Variants in CDHR3 observed in about 807,000 individuals in gnomAD.
CDHR3 encodes the protein cadherin-related family member 3.
A neutral mutation model predicts 86.6 loss-of-function variants in CDHR3; 79 were observed. The observed-to-expected ratio is 0.91, with a 90% CI of 0.76 to 1.10. The LOEUF (loss-of-function observed/expected upper bound fraction) is 1.10, where lower values mean the gene tolerates loss of function less well. CDHR3 is among the 50% of genes least tolerant of loss of function. The probability of loss-of-function intolerance (pLI) is 0.00; values close to 1 mark genes in which losing one functional copy is unlikely to be tolerated. For synonymous variants in CDHR3, 421 were observed against 402.4 expected (o/e 1.05, Z -0.55); for missense variants, 1,081 against 1,077.6 (o/e 1.00, Z -0.04).
intron 15 of CDHR3, among the ~76,000 whole-genome samples, chr7:106,026,103 C>A (rs531029729): frequency 5.9e-5 from 9 of 152,272 alleles, no homozygotes; most frequent in Non-Finnish European, 1.2e-4. Context: ...AGCTAGAAAA[C>A]CAGACTCAGA....
chr7:105,980,869 C>A, intron 2 of CDHR3, 99 bp from the exon 3 acceptor site: 2 of 1,124,808 alleles, frequency 1.8e-6, no homozygotes, highest in Non-Finnish European at 2.6e-6. Flanking sequence ...TTCCGGGATG[C>A]CAGATGCTTC....
Position 106,032,812 on chromosome 7 carries a change from T to C in CDHR3, c.*115T>C. ...AATGTGGGCTGAGGGGATTCAGACA[T>C]CCAGGGTCAAACATGGGATGTTTGA... On this transcript the variant is annotated 3_prime_UTR_variant, in exon 19 of 19. Transcript: ENST00000317716. The C allele has an allele frequency of 1.8e-6, 2 of 1,127,332 alleles. No homozygotes were observed. The highest frequency in any genetic ancestry group is 3.4e-5 in the South Asian group (2 of 57,996). 69.8% of individuals were successfully genotyped at this position (1,127,332 alleles called of 1,614,324 possible). A position where few individuals can be genotyped will look rare whatever the true frequency, so the allele number is the denominator to read the frequency against.
At chr7:106,027,838 A>G (rs542955344) in intron 16 of CDHR3, among the ~76,000 whole-genome samples, 1 of 152,072 alleles carries the variant, frequency 6.6e-6, no homozygotes, top group Admixed American at 6.5e-5. Flanking sequence ...TAAAAAGGGG[A>G]TGGGGGCTGG....
intron 1 of CDHR3, among the ~76,000 whole-genome samples, chr7:105,974,552 A>C (rs757638265): frequency 2.6e-5 from 4 of 152,130 alleles, no homozygotes; most frequent in Non-Finnish European, 4.4e-5. Flanking sequence ...GCTCTTCCCA[A>C]AGGCTGGGAG....
intron 6 of CDHR3, 24 bp downstream of exon 6, chr7:105,996,378 TC>T (rs754369922): frequency 7.0e-7 from 1 of 1,437,210 alleles, no homozygotes; most frequent in South Asian, 1.2e-5. Flanking sequence ...CATGCAGGAC[TC>T]CCTGGGCCGC....
chr7:105,975,219 G>A (rs764234389), intron 2 of CDHR3, among the ~76,000 whole-genome samples, 173 bp downstream of exon 2: 73 of 152,276 alleles, frequency 4.8e-4, no homozygotes, highest in Non-Finnish European at 3.1e-4. Flanking sequence ...TAAGATGCTC[G>A]TGTAGCCTTT....
Position 106,034,863 on chromosome 7 carries a change from A to G in CDHR3, c.*2166A>G, listed in dbSNP as rs1271928969. Among the ~76,000 whole-genome samples, 2 of 152,202 alleles carry G rather than the reference A, an allele frequency of 1.3e-5. No homozygotes were observed. Among genetic ancestry groups the G allele is most frequent in the Non-Finnish European group, 2.9e-5 (2 of 68,036 alleles). Reference sequence around the variant, plus strand: ...GAGGCTGAGGCAGGTGGATCACCTGAGGTCAGGAGTTTGAGACCAGCCTGG... The same window carrying G: ...GAGGCTGAGGCAGGTGGATCACCTGGGGTCAGGAGTTTGAGACCAGCCTGG... On this transcript the variant is annotated 3_prime_UTR_variant, in exon 19 of 19. Transcript: ENST00000317716.
At chr7:106,003,989 C>CAAAAAAAAAAAAAAAAAAAAAAAA (rs55815648) in intron 7 of CDHR3, among the ~76,000 whole-genome samples, 1 of 79,950 alleles carries the variant, frequency 1.3e-5, no homozygotes. Flanking sequence ...CCAACCTAAC[C>CAAAAAAAAAAAAAAAAAAAAAAAA]AAAAAAAAAA....
intron 8 of CDHR3, among the ~76,000 whole-genome samples, chr7:106,009,073 CCAAA>C (rs1834368354): frequency 6.6e-6 from 1 of 152,184 alleles, no homozygotes; most frequent in Admixed American, 6.5e-5. Context: ...CCAGGCAAGA[CCAAA>C]CAGAGTCCTG....
chr7:106,005,232 G>GA (rs1195803283), intron 8 of CDHR3, among the ~76,000 whole-genome samples: 1 of 152,068 alleles, frequency 6.6e-6, no homozygotes, highest in Non-Finnish European at 1.5e-5. Flanking sequence ...ATCCGAAAGG[G>GA]AAAAAATGCA....
At chr7:105,969,919 G>C (rs755049460) in intron 1 of CDHR3, among the ~76,000 whole-genome samples, 38 of 152,244 alleles carry the variant, frequency 2.5e-4, no homozygotes, top group Admixed American at 2.6e-4. Flanking sequence ...AGCCCTGAGA[G>C]ACAGAGTTGA....
At chr7:105,977,742 G>A (rs571178144) in intron 2 of CDHR3, among the ~76,000 whole-genome samples, 1 of 152,298 alleles carries the variant, frequency 6.6e-6, no homozygotes, top group African/African-American at 2.4e-5. Flanking sequence ...GGATAGCCTT[G>A]ACATTCTGGA....
chr7:106,001,357 G>C, intron 6 of CDHR3, 105 bp from the exon 7 acceptor site: 1 of 1,248,024 alleles, frequency 8.0e-7, no homozygotes, highest in South Asian at 1.4e-5. Context: ...GATGCAACTT[G>C]AACAGCTCTG....
At chr7:106,003,682 A>G (rs1833523735) in intron 7 of CDHR3, among the ~76,000 whole-genome samples, 1 of 152,112 alleles carries the variant, frequency 6.6e-6, no homozygotes, top group East Asian at 1.9e-4. Flanking sequence ...TTGCATCACC[A>G]AAAAGGACGT....
intron 1 of CDHR3, among the ~76,000 whole-genome samples, chr7:105,971,340 G>A (rs1320765635): frequency 1.3e-5 from 2 of 152,256 alleles, no homozygotes; most frequent in East Asian, 3.9e-4. Flanking sequence ...TCGGCAGAAA[G>A]GGCATATCCA....
At chr7:106,023,368 A>T (rs1836866824) in intron 14 of CDHR3, among the ~76,000 whole-genome samples, 1 of 152,246 alleles carries the variant, frequency 6.6e-6, no homozygotes, top group Non-Finnish European at 1.5e-5. Context: ...ATTCAAATTG[A>T]CAAAGTAAAT....
intron 16 of CDHR3, among the ~76,000 whole-genome samples, chr7:106,027,875 A>G (rs969453039): frequency 1.3e-5 from 2 of 152,166 alleles, no homozygotes; most frequent in Non-Finnish European, 2.9e-5. Flanking sequence ...TTATAATCCC[A>G]GCACTCTGGG....
chr7:105,975,136 C>T (rs2115642601), intron 2 of CDHR3, 90 bp downstream of exon 2: 1 of 1,101,586 alleles, frequency 9.1e-7, no homozygotes, highest in African/African-American at 1.5e-5. Context: ...GTGATTAATT[C>T]CTCCATCTGG....
chr7:105,986,345 G>C (rs71564754), intron 4 of CDHR3, among the ~76,000 whole-genome samples: 11,891 of 152,212 alleles, frequency 0.078, 638 homozygotes, highest in South Asian at 0.2. Context: ...CTATGTGCCA[G>C]GCATCCTATT....
Sources: gnomAD v4.1 joint callset for allele counts (sites outside exome capture counted in the v4.1 genomes callset) on GRCh38, gnomAD v4.1.1 for gene constraint, MANE v1.5 for transcripts, NCBI Gene and HGNC (gene_info 2026-07-23, HGNC 2026-07-21) for gene names.